Variants in HECW2 observed in about 807,000 individuals in gnomAD.
HECW2 encodes HECT, C2 and WW domain containing E3 ubiquitin protein ligase 2, also known as E3 ubiquitin-protein ligase HECW2.
In HECW2, 61 loss-of-function variants were observed where a neutral mutation model predicts 175.2. The ratio of observed to expected loss-of-function variants is 0.35; its 90% CI spans 0.28 to 0.43. The LOEUF (loss-of-function observed/expected upper bound fraction) is 0.43. Among genes scored for constraint, HECW2 ranks in the 20% least tolerant of loss-of-function variants. The probability of loss-of-function intolerance (pLI) is 1.00; values close to 1 mark genes in which losing one functional copy is unlikely to be tolerated. For synonymous variants in HECW2, 671 were observed against 731.0 expected, an observed-to-expected ratio of 0.92 and a Z score of 1.32; for missense variants, 1,524 against 2,000.5, an observed-to-expected ratio of 0.76 and a Z score of 4.54.
chr2:196,466,291 G>A (rs1327940561), intron 1 of HECW2, among the ~76,000 whole-genome samples: 1 of 152,184 alleles, frequency 6.6e-6, no homozygotes, highest in Non-Finnish European at 1.5e-5. Context: ...GAGACCTCAG[G>A]TTGTTGGCTT....
intron 13 of HECW2, among the ~76,000 whole-genome samples, chr2:196,305,540 T>G (rs1332964171): frequency 2.6e-5 from 4 of 152,262 alleles, no homozygotes; most frequent in African/African-American, 9.6e-5. Context: ...TCTGTTTTTC[T>G]GAAAGTGTAG....
chr2:196,388,921 C>T (rs1019682768), intron 2 of HECW2, among the ~76,000 whole-genome samples: 3 of 152,170 alleles, frequency 2.0e-5, no homozygotes, highest in Non-Finnish European at 4.4e-5. Context: ...GGAAGACTGG[C>T]ATTTGGAAGC....
intron 2 of HECW2, among the ~76,000 whole-genome samples, chr2:196,416,827 T>C (rs1366870575): frequency 2.0e-5 from 3 of 152,248 alleles, no homozygotes; most frequent in South Asian, 2.1e-4. Flanking sequence ...GCTAACTTCT[T>C]CTCTGGCACT....
chr2:196,236,128 A>G (rs965633118), intron 21 of HECW2, among the ~76,000 whole-genome samples: 4 of 152,174 alleles, frequency 2.6e-5, no homozygotes. Context: ...ACACAAAATA[A>G]TACTTTATAT....
chr2:196,278,180 A>G (rs1690048161), intron 15 of HECW2, among the ~76,000 whole-genome samples: 1 of 133,150 alleles, frequency 7.5e-6, no homozygotes, highest in African/African-American at 2.6e-5. Flanking sequence ...ACCAAGTTAT[A>G]TTCATTTCTT....
chr2:196,272,688 A>G (rs1689784384), intron 16 of HECW2, among the ~76,000 whole-genome samples: 1 of 152,204 alleles, frequency 6.6e-6, no homozygotes. Flanking sequence ...AAGAAATACT[A>G]CCTGCTAAAA....
At chr2:196,390,841 C>T (rs1045960105) in intron 2 of HECW2, among the ~76,000 whole-genome samples, 13 of 152,272 alleles carry the variant, frequency 8.5e-5, no homozygotes, top group African/African-American at 1.2e-4. Context: ...GAATGGGCTA[C>T]GTACTTAGAC....
At chr2:196,328,042 C>T (rs567082508) in intron 5 of HECW2, among the ~76,000 whole-genome samples, 13 of 148,988 alleles carry the variant, frequency 8.7e-5, no homozygotes, top group African/African-American at 3.2e-4. Flanking sequence ...TATATCAAAA[C>T]ATCATGCTGT....
chr2:196,484,452 C>A (rs1686938219), intron 1 of HECW2, among the ~76,000 whole-genome samples: 1 of 152,202 alleles, frequency 6.6e-6, no homozygotes, highest in African/African-American at 2.4e-5. Context: ...ATCCTGAAGG[C>A]TGCCCAGCAC....
intron 2 of HECW2, among the ~76,000 whole-genome samples, chr2:196,427,273 T>C (rs10208446): frequency 0.061 from 9,303 of 151,942 alleles, 963 homozygotes; most frequent in African/African-American, 0.21. Flanking sequence ...TGCTGGTACA[T>C]AGCATAGTAT....
chr2:196,486,500 T>C (rs1404368394), intron 1 of HECW2, among the ~76,000 whole-genome samples: 1 of 152,146 alleles, frequency 6.6e-6, no homozygotes, highest in African/African-American at 2.4e-5. Flanking sequence ...CCATGCATTA[T>C]TCCAGCATTA....
At chr2:196,533,208 A>G (rs1244056518) in intron 1 of HECW2, among the ~76,000 whole-genome samples, 1 of 152,222 alleles carries the variant, frequency 6.6e-6, no homozygotes, top group African/African-American at 2.4e-5. Flanking sequence ...GAACTTATAA[A>G]TTATAATGTT....
intron 19 of HECW2, among the ~76,000 whole-genome samples, chr2:196,244,292 T>A (rs191740370): frequency 1.1e-3 from 173 of 152,340 alleles, no homozygotes; most frequent in African/African-American, 4.0e-3. Flanking sequence ...GAAACAAAGC[T>A]ATACCCCTGG....
chr2:196,256,243 T>C (rs1374712438), intron 18 of HECW2, among the ~76,000 whole-genome samples: 1 of 152,178 alleles, frequency 6.6e-6, no homozygotes, highest in African/African-American at 2.4e-5. Context: ...TTTAATGACA[T>C]CATTTGTATA....
At chr2:196,369,342 G>GTCTCTCTCTCTCTCTC (rs71410611) in intron 2 of HECW2, among the ~76,000 whole-genome samples, 1,623 of 131,348 alleles carry the variant, frequency 0.012, 32 homozygotes, top group African/African-American at 0.02. Flanking sequence ...AACAAATGGA[G>GTCTCTCTCTCTCTCTC]TCTCTCTCTC....
At chr2:196,531,671 AC>A (rs200893657) in intron 1 of HECW2, among the ~76,000 whole-genome samples, 19,719 of 136,310 alleles carry the variant, frequency 0.14, 1,317 homozygotes, top group Middle Eastern at 0.2. Flanking sequence ...CAAAAAAAAA[AC>A]AAAAAAAAAA....
chr2:196,556,232 T>A (rs1689789735), intron 1 of HECW2, among the ~76,000 whole-genome samples: 1 of 152,206 alleles, frequency 6.6e-6, no homozygotes, highest in Admixed American at 6.5e-5. Context: ...ATGTATGCAT[T>A]ATGAAATGAT....
rs147771044 is a variant in HECW2 at position 196,254,913 on chromosome 2, T to C, written c.3420-884A>G. Among the ~76,000 whole-genome samples the C allele has an allele frequency of 2.5e-3, 376 of 151,906 alleles. 1 individual carries two copies. The highest frequency in any genetic ancestry group is 8.5e-3 in the African/African-American group (352 of 41,490). ...TATGCCTTTTCATAACCTTTATCCA[T>C]TTTTCTATTGGGTTCTCTTCTTTTA... On this transcript the variant is annotated intron_variant, in intron 18 of 28. Coordinates refer to ENST00000644978, the MANE Select transcript of HECW2 (RefSeq NM_001348768.2).
intron 23 of HECW2, among the ~76,000 whole-genome samples, chr2:196,223,158 G>A (rs1276804924): frequency 6.6e-6 from 1 of 152,160 alleles, no homozygotes; most frequent in Admixed American, 6.5e-5. Flanking sequence ...ACTACCCCCA[G>A]GAGCTAATGG....
Sources: allele counts gnomAD v4.1 joint callset (sites outside exome capture counted in the v4.1 genomes callset), GRCh38; gene constraint gnomAD v4.1.1; transcripts MANE v1.5; gene names NCBI Gene and HGNC (gene_info 2026-07-23, HGNC 2026-07-21).